Variants in CERCAM observed in about 807,000 individuals in gnomAD.
CERCAM encodes inactive glycosyltransferase 25 family member 3.
A neutral mutation model predicts 66.0 loss-of-function variants in CERCAM; 59 were observed. The observed-to-expected ratio is 0.89, with a 90% confidence interval of 0.73 to 1.11. The LOEUF (loss-of-function observed/expected upper bound fraction) is 1.11. Among genes scored for constraint, CERCAM ranks in the 50% most tolerant of loss-of-function variants. CERCAM has a pLI of 0.00. For synonymous variants in CERCAM, 318 were observed against 343.6 expected (o/e 0.93, Z 0.83); for missense variants, 840 against 828.3 (o/e 1.01, Z -0.17).
At chr9:128,430,510 G>T (rs1461929902) in intron 8 of CERCAM, among the ~76,000 whole-genome samples, 2 of 152,228 alleles carry the variant, frequency 1.3e-5, no homozygotes, top group African/African-American at 4.8e-5. Flanking sequence ...AAAGCACTGG[G>T]ATTACAGGTG....
chr9:128,428,890 G>T, intron 7 of CERCAM, 40 bp from the exon 8 acceptor site: 4 of 1,606,786 alleles, frequency 2.5e-6, no homozygotes, highest in Non-Finnish European at 3.4e-6. Flanking sequence ...CTCCTCTTCC[G>T]CTCCCTTGCA....
chr9:128,434,553 C>T lies in CERCAM; in HGVS notation c.1475C>T (p.Pro492Leu), dbSNP rs1834063311. The T allele has an allele frequency of 1.2e-6, 2 of 1,611,982 alleles. No individual in the cohort carries two copies. Among genetic ancestry groups the T allele is most frequent in the East Asian group, 2.2e-5 (1 of 44,900 alleles). Residue 492 changes from proline to leucine, a missense_variant, in exon 11 of 13, where the codon CCT becomes CTT. Physicochemically the swap from Pro to Leu is moderately conservative, Grantham distance 98. Coordinates refer to ENST00000372838, the MANE Select transcript of CERCAM (RefSeq NM_016174.5). The surrounding 1 kb of genome is among the most constrained non-coding windows in gnomAD (Gnocchi z 4.5). ...GCCCGCAAGCTGCTGGCCTCACAGC[C>T]TCTGCGCCGCATGCTGCCCGTGGAC... is the stretch of plus-strand genomic sequence containing the variant. ...AGARKLLASQ[P>L]LRRMLPVDEF...
Position 128,434,062 on chromosome 9 carries a change from A to G in CERCAM, c.1204-40A>G, listed in dbSNP as rs1834042925. ...CAGCGTGGAGGGAGGGGGGTTGTTT[A>G]ACTCCGAAGAGCCATCTCCCACCCC... On this transcript the variant is annotated intron_variant, in intron 9 of 12. Transcript: ENST00000372838. The surrounding 1 kb of genome is among the most constrained non-coding windows in gnomAD (Gnocchi z 4.5). 5 of 1,609,204 alleles carry G rather than the reference A, an allele frequency of 3.1e-6. No individual in the cohort carries two copies. Among genetic ancestry groups the G allele is most frequent in the Admixed American group, 1.7e-5 (1 of 59,646 alleles).
Position 128,429,030 on chromosome 9 carries a change from A to G in CERCAM, c.1064A>G (p.Asp355Gly). The G allele has an allele frequency of 2.5e-6, 4 of 1,602,162 alleles. No homozygotes were observed. Among genetic ancestry groups the G allele is most frequent in the Non-Finnish European group, 3.4e-6 (4 of 1,175,100 alleles). The change falls in exon 8 of 13, where the codon GAT becomes GGT. Residue 355 changes from aspartate to glycine, a missense_variant. Physicochemically the swap from Asp to Gly is moderately conservative, Grantham distance 94. Coordinates refer to ENST00000372838, the MANE Select transcript of CERCAM (RefSeq NM_016174.5). ...EISGRVVDAVDGWMLNSSAIR... is the reference protein window; with the variant it reads ...EISGRVVDAVGGWMLNSSAIR... ...TCTGGGAGGGTGGTGGACGCTGTGG[A>G]TGGCTGGTGAGCCTGCCTGGTGGGG...
At position 128,424,440 on chromosome 9, in the gene CERCAM, C is replaced by T. The variant is rs1370075944; in HGVS notation, c.592C>T (p.Pro198Ser). ...CTACCGCCGCACAGCCGAGTACTTCCCCACCAAGAACCGCCAGCGCCGGGG... is the reference window on the plus strand; with the variant it reads ...CTACCGCCGCACAGCCGAGTACTTCTCCACCAAGAACCGCCAGCGCCGGGG... ...GYYRRTAEYF[P>S]TKNRQRRGCF... is the part of the protein sequence containing the mutation. The change falls in exon 5 of 13, where the codon CCC (proline) becomes TCC (serine). Residue 198 changes from proline to serine, a missense_variant. Pro to Ser is a moderately conservative substitution (Grantham distance 74, BLOSUM62 -1). Transcript: ENST00000372838. 1 of 1,614,130 alleles carries T rather than the reference C, an allele frequency of 6.2e-7. No homozygotes were observed. Among genetic ancestry groups the T allele is most frequent in the Admixed American group, 1.7e-5 (1 of 60,028 alleles).
At chr9:128,433,375 C>G (rs540772612) in intron 9 of CERCAM, among the ~76,000 whole-genome samples, 1 of 151,976 alleles carries the variant, frequency 6.6e-6, no homozygotes, top group Non-Finnish European at 1.5e-5. Context: ...CACTTGAACC[C>G]GGGAGGCAGA....
In CERCAM at chr9:128,422,951, T is replaced by G. The variant is rs761359367; in HGVS notation, c.281T>G (p.Val94Gly). 24 of 1,613,634 alleles carry G rather than the reference T, an allele frequency of 1.5e-5. No homozygotes were observed. The highest frequency in any genetic ancestry group is 2.0e-5 in the Non-Finnish European group (24 of 1,179,950). ...GCTGTGGGCGATGACTATGCTGCTG[T>G]GGTCTGGAGGCCTGAGGGCGAGCCC... is the stretch of plus-strand genomic sequence containing the variant. Reference protein sequence around the residue: ...LAAVGDDYAAVVWRPEGEPRF... With the variant: ...LAAVGDDYAAGVWRPEGEPRF... Residue 94 changes from valine (V) to glycine (G), a missense_variant, in exon 2 of 13, where the codon GTG (valine) becomes GGG (glycine). Val to Gly is a moderately radical substitution (Grantham distance 109, BLOSUM62 -3). Coordinates refer to ENST00000372838, the MANE Select transcript of CERCAM (RefSeq NM_016174.5).
intron 8 of CERCAM, 65 bp downstream of exon 8, chr9:128,429,101 C>A (rs1054921689): frequency 1.7e-6 from 2 of 1,197,790 alleles, no homozygotes; most frequent in East Asian, 2.5e-5. Flanking sequence ...TCTCCTAGCC[C>A]GCTAGGACTG....
At chr9:128,435,029 A>G (rs898743217) in intron 11 of CERCAM, among the ~76,000 whole-genome samples, 1 of 147,584 alleles carries the variant, frequency 6.8e-6, no homozygotes, top group Non-Finnish European at 1.5e-5. Flanking sequence ...GGAGTTTTGC[A>G]CTGTCACCCA....
Position 128,434,449 on chromosome 9 carries a change from G to A in CERCAM, c.1371G>A (p.Thr457=), listed in dbSNP as rs761035980. 2.1e-5 allele frequency: 34 copies of A among 1,613,892 alleles called. No homozygotes were observed. In the South Asian group the frequency reaches 2.2e-4, roughly 10 times the overall value. ...AGCAGGTGAACCCTGAGAAGGAGAC[G>A]GCCGTGGAGGGGCTGCCGGGCCTGG... ...GRKQVNPEKE[T]AVEGLPGLVV... is the part of the protein sequence containing the mutation. The change falls in exon 11 of 13, where the codon ACG becomes ACA. Residue 457 remains threonine (T), a synonymous_variant. Coordinates refer to ENST00000372838, the MANE Select transcript of CERCAM (RefSeq NM_016174.5). The surrounding 1 kb of genome is among the most constrained non-coding windows in gnomAD (Gnocchi z 4.5).
Position 128,428,299 on chromosome 9 carries a change from C to T in CERCAM, c.767-3C>T, listed in dbSNP as rs1471890881. 6.2e-7 allele frequency: 1 copy of T among 1,613,612 alleles called. No individual in the cohort carries two copies. The highest frequency in any genetic ancestry group is 8.5e-7 in the Non-Finnish European group (1 of 1,179,826). ...GCAGCTCTCACTCAGCCTGTCTCTG[C>T]AGGGGTCTCCGTCCACGTGTGCAAT... On this transcript the variant is annotated splice_region_variant and splice_polypyrimidine_tract_variant and intron_variant, in intron 5 of 12. Coordinates refer to ENST00000372838, the MANE Select transcript of CERCAM (RefSeq NM_016174.5).
In CERCAM at chr9:128,434,773, C is replaced by A. The variant is rs1010432737; in HGVS notation, c.1535+160C>A. 6.6e-6 allele frequency among the ~76,000 whole-genome samples: 1 copy of A among 152,208 alleles called. No individual in the cohort carries two copies. Among genetic ancestry groups the A allele is most frequent in the Admixed American group, 6.5e-5 (1 of 15,286 alleles). ...TCACCAAGGAGTGGCTCAGCCTAGC[C>A]TTAGAGTCAGTCCATTCTCGGTGTG... On this transcript the variant is annotated intron_variant, in intron 11 of 12. Transcript: ENST00000372838. The surrounding 1 kb of genome is among the most constrained non-coding windows in gnomAD (Gnocchi z 4.5).
rs1440987348 is a variant in CERCAM, at chr9:128,434,041, G to A, written c.1204-61G>A. 1.0e-5 allele frequency: 16 copies of A among 1,591,946 alleles called. No individual in the cohort carries two copies. Among genetic ancestry groups the A allele is most frequent in the Middle Eastern group, 1.7e-4 (1 of 5,970 alleles). Reference sequence around the variant, plus strand: ...CCAGGCAGAGGCTGTGAGCTTCAGCGTGGAGGGAGGGGGGTTGTTTAACTC... The same window carrying A: ...CCAGGCAGAGGCTGTGAGCTTCAGCATGGAGGGAGGGGGGTTGTTTAACTC... On this transcript the variant is annotated intron_variant, in intron 9 of 12. Coordinates refer to ENST00000372838, the MANE Select transcript of CERCAM (RefSeq NM_016174.5). The surrounding 1 kb of genome is among the most constrained non-coding windows in gnomAD (Gnocchi z 4.5).
intron 1 of CERCAM, chr9:128,422,655 A>G (rs1564424626): frequency 1.8e-6 from 1 of 548,862 alleles, no homozygotes; most frequent in Non-Finnish European, 3.2e-6. Flanking sequence ...AAGCCCAGAG[A>G]AAGATGGGAC....
At chr9:128,419,472 C>T (rs534658891), upstream of CERCAM, 1 of 152,440 alleles carries the variant, frequency 6.6e-6, no homozygotes, top group Non-Finnish European at 1.5e-5. Flanking sequence ...TTCCCAGCCC[C>T]AGGGCGGAGC....
At chr9:128,420,792 G>A, upstream of CERCAM, 1 of 486,930 alleles carries the variant, frequency 2.1e-6, no homozygotes, top group Non-Finnish European at 3.0e-6. This position sits in a 1 kb window ranked among gnomAD's most constrained non-coding sequence, Gnocchi z 5.0. Flanking sequence ...GGTCTGCCTC[G>A]GCCCCGCCCG....
chr9:128,428,022 T>C (rs1030713811), intron 5 of CERCAM, among the ~76,000 whole-genome samples: 1 of 152,180 alleles, frequency 6.6e-6, no homozygotes, highest in Admixed American at 6.5e-5. Flanking sequence ...CTCACCTTGA[T>C]GCCCTGAGGG....
At chr9:128,432,757 G>GT (rs1334834210) in intron 9 of CERCAM, among the ~76,000 whole-genome samples, 1 of 152,178 alleles carries the variant, frequency 6.6e-6, no homozygotes, top group Non-Finnish European at 1.5e-5. Context: ...TTATTCTAAA[G>GT]TAACTTTTCC....
rs969497211 is a variant in CERCAM, at chr9:128,421,165, C to T, written c.197+91C>T. The T allele has an allele frequency of 2.4e-6, 3 of 1,255,416 alleles. No homozygotes were observed. The African/African-American group carries it at 4.7e-5, about 19-fold the overall frequency. 77.8% of individuals were successfully genotyped at this position (1,255,416 alleles called of 1,614,324 possible). Reference sequence around the variant, plus strand: ...CCCGGCGGCCCTGTCTGCTCGCTCCCTGCCCAGACACCACCTAGACAGGCC... The same window carrying T: ...CCCGGCGGCCCTGTCTGCTCGCTCCTTGCCCAGACACCACCTAGACAGGCC... On this transcript the variant is annotated intron_variant, in intron 1 of 12. Transcript: ENST00000372838.
Sources: allele counts gnomAD v4.1 joint callset (sites outside exome capture counted in the v4.1 genomes callset), GRCh38; gene constraint gnomAD v4.1.1; non-coding constraint Gnocchi (gnomAD v3.1); transcripts MANE v1.5; gene names NCBI Gene and HGNC (gene_info 2026-07-23, HGNC 2026-07-21).